ARID5B: variants seen among roughly 807,000 people sequenced by gnomAD.
ARID5B encodes AT-rich interaction domain 5B, also known as AT-rich interactive domain-containing protein 5B.
In ARID5B, 13 loss-of-function variants were observed where a neutral mutation model predicts 97.2. The observed-to-expected ratio is 0.13, with a 90% confidence interval of 0.09 to 0.21. ARID5B has a LOEUF of 0.21. Among genes scored for constraint, ARID5B ranks in the 10% least tolerant of loss-of-function variants. ARID5B has a pLI of 1.00. For synonymous variants in ARID5B, 556 were observed against 570.3 expected (o/e 0.97, Z 0.36); for missense variants, 1,210 against 1,465.3 (o/e 0.83, Z 2.84).
rs1330214540 is a variant in ARID5B, at chr10:62,096,264, T to C, written c.*3234T>C. ...TCTCAAGTACTGTATTTCACTGTGTTGGTGTGTCTGATGGAAATTTCGAGG... is the reference window on the plus strand; with the variant it reads ...TCTCAAGTACTGTATTTCACTGTGTCGGTGTGTCTGATGGAAATTTCGAGG... On this transcript the variant is annotated 3_prime_UTR_variant, in exon 10 of 10. Transcript: ENST00000279873. The C allele has an allele frequency of 4.3e-6, 1 of 233,596 alleles. No homozygotes were observed. Among genetic ancestry groups the C allele is most frequent in the Non-Finnish European group, 8.5e-6 (1 of 118,068 alleles). The allele number at this position is 233,596 out of a possible 1,614,324, so 14.5% of individuals were successfully genotyped here. A position where few individuals can be genotyped will look rare whatever the true frequency, so the allele number is the denominator to read the frequency against.
chr10:61,944,702 C>G (rs1428173268), intron 3 of ARID5B, among the ~76,000 whole-genome samples: 1 of 150,110 alleles, frequency 6.7e-6, no homozygotes, highest in Non-Finnish European at 1.5e-5. Flanking sequence ...TTTATTGAAG[C>G]CCTTTGAGGC....
chr10:62,011,421 A>G (rs976630043), intron 4 of ARID5B, among the ~76,000 whole-genome samples: 2 of 152,148 alleles, frequency 1.3e-5, no homozygotes, highest in Non-Finnish European at 2.9e-5. Context: ...ATTTTATCCC[A>G]TAGCTGTTGA....
intron 8 of ARID5B, among the ~76,000 whole-genome samples, chr10:62,079,814 T>G (rs534652430): frequency 2.0e-4 from 31 of 152,340 alleles, no homozygotes; most frequent in Middle Eastern, 3.4e-3. Context: ...AAAGTTTTCT[T>G]GTCCATCTGC....
At chr10:61,978,400 G>A (rs1379284252) in intron 3 of ARID5B, among the ~76,000 whole-genome samples, 1 of 152,182 alleles carries the variant, frequency 6.6e-6, no homozygotes, top group East Asian at 1.9e-4. Flanking sequence ...TGTGAAGAAG[G>A]TCATTGGTAG....
intron 4 of ARID5B, among the ~76,000 whole-genome samples, chr10:62,033,537 C>T (rs572036646): frequency 1.4e-4 from 22 of 152,332 alleles, no homozygotes; most frequent in African/African-American, 4.8e-4. Context: ...CTTTCCTGCA[C>T]TTATCTTTCT....
chr10:62,071,923 G>C (rs1008929981), intron 8 of ARID5B, among the ~76,000 whole-genome samples: 3 of 152,112 alleles, frequency 2.0e-5, no homozygotes, highest in African/African-American at 7.2e-5. Flanking sequence ...TATGAGTCAG[G>C]GTGCAGTAAG....
At chr10:61,937,131 G>A (rs1844319121) in intron 2 of ARID5B, among the ~76,000 whole-genome samples, 1 of 152,228 alleles carries the variant, frequency 6.6e-6, no homozygotes, top group Non-Finnish European at 1.5e-5. Flanking sequence ...GGTGCCCACG[G>A]GGGCCAGATA....
chr10:61,944,665 A>C (rs1844472090), intron 3 of ARID5B, among the ~76,000 whole-genome samples: 1 of 152,252 alleles, frequency 6.6e-6, no homozygotes, highest in African/African-American at 2.4e-5. Flanking sequence ...GTTTAAGCCA[A>C]GAAAATATGT....
chr10:62,066,164 C>T (rs1839986100), intron 7 of ARID5B, among the ~76,000 whole-genome samples: 1 of 152,200 alleles, frequency 6.6e-6, no homozygotes, highest in Non-Finnish European at 1.5e-5. Context: ...CATGTTAATA[C>T]AGAAGGCGGA....
intron 8 of ARID5B, among the ~76,000 whole-genome samples, chr10:62,074,973 C>T (rs1840108831): frequency 6.6e-6 from 1 of 152,154 alleles, no homozygotes; most frequent in Non-Finnish European, 1.5e-5. Flanking sequence ...TTCCATTTTT[C>T]TAGTAATTCA....
chr10:62,084,039 A>C (rs1432157881), intron 8 of ARID5B, among the ~76,000 whole-genome samples: 1 of 152,214 alleles, frequency 6.6e-6, no homozygotes, highest in East Asian at 1.9e-4. Context: ...GGCAGTTTCC[A>C]GTTTTAGCAG....
intron 3 of ARID5B, among the ~76,000 whole-genome samples, chr10:61,948,380 A>ATTTTCTTTT (rs1838271427): frequency 1.2e-5 from 1 of 86,222 alleles, no homozygotes; most frequent in African/African-American, 4.7e-5. Flanking sequence ...ACTTTAGGTA[A>ATTTTCTTTT]TTTTTTTTTT....
intron 2 of ARID5B, among the ~76,000 whole-genome samples, chr10:61,914,263 T>C (rs1019906644): frequency 6.6e-6 from 1 of 152,276 alleles, no homozygotes; most frequent in Non-Finnish European, 1.5e-5. Flanking sequence ...TATGCGAACA[T>C]CTGATACTCA....
intron 7 of ARID5B, among the ~76,000 whole-genome samples, chr10:62,068,467 A>G (rs1231158029): frequency 6.6e-6 from 1 of 152,190 alleles, no homozygotes. Context: ...ATAATATTTA[A>G]CCAGCCACCT....
chr10:61,909,480 C>A (rs1338357338), intron 2 of ARID5B, among the ~76,000 whole-genome samples: 1 of 152,060 alleles, frequency 6.6e-6, no homozygotes, highest in Non-Finnish European at 1.5e-5. Context: ...CGCCAGCCAC[C>A]GCGGCCGGCT....
chr10:62,093,434 G>A lies in ARID5B; in HGVS notation c.*404G>A. On this transcript the variant is annotated 3_prime_UTR_variant, in exon 10 of 10. Coordinates refer to ENST00000279873, the MANE Select transcript of ARID5B (RefSeq NM_032199.3). The stretch of plus-strand genomic sequence containing the variant: ...AGGAAGACTGGCAAACAGATGGCAA[G>A]GGATGCCCCTCTTTTTCATAAAACT... 1 of 255,818 alleles carries A rather than the reference G, an allele frequency of 3.9e-6. No homozygotes were observed. The highest frequency in any genetic ancestry group is 7.5e-6 in the Non-Finnish European group (1 of 133,094). 15.8% of individuals were successfully genotyped at this position (255,818 alleles called of 1,614,324 possible). A position where few individuals can be genotyped will look rare whatever the true frequency, so the allele number is the denominator to read the frequency against.
At chr10:61,947,858 C>T (rs1011258903) in intron 3 of ARID5B, among the ~76,000 whole-genome samples, 2 of 152,158 alleles carry the variant, frequency 1.3e-5, no homozygotes, top group Non-Finnish European at 2.9e-5. Flanking sequence ...TGCCCAGGTA[C>T]TTGTACTGCC....
At chr10:61,993,046 A>G (rs556748576) in intron 3 of ARID5B, among the ~76,000 whole-genome samples, 1 of 151,754 alleles carries the variant, frequency 6.6e-6, no homozygotes, top group Non-Finnish European at 1.5e-5. Context: ...CATTTAATTT[A>G]TTTTTATTAT....
Position 62,091,361 on chromosome 10 carries a change from TG to T in ARID5B, c.1901del (p.Gly634AlafsTer29), listed in dbSNP as rs781591045. On this transcript the variant is annotated frameshift_variant, in exon 10 of 10. Transcript: ENST00000279873. LOFTEE classifies it high-confidence loss of function. ...AACTGCACCGTGAAGGTGGACCAGC[TG>T]GGCAGTGACGACATCCACAATGCGC... ...IANCTVKVDQLGSDDIHNALK... is the reference protein window; with the variant it reads ...IANCTVKVDQXGSDDIHNALK... 1 of 1,614,156 alleles carries T rather than the reference TG, an allele frequency of 6.2e-7. No homozygotes were observed. Among genetic ancestry groups the T allele is most frequent in the South Asian group, 1.1e-5 (1 of 91,076 alleles).
Sources: gnomAD v4.1 joint callset for allele counts (sites outside exome capture counted in the v4.1 genomes callset) on GRCh38, gnomAD v4.1.1 for gene constraint, MANE v1.5 for transcripts, NCBI Gene and HGNC (gene_info 2026-07-23, HGNC 2026-07-21) for gene names.